Variants in SLC9A6 observed in about 807,000 individuals in gnomAD.
SLC9A6 encodes sodium/hydrogen exchanger 6.
Under a neutral mutation model 45.3 loss-of-function variants are expected in SLC9A6, and 6 were observed. The observed-to-expected ratio is 0.13, with a 90% CI of 0.07 to 0.26. The LOEUF (loss-of-function observed/expected upper bound fraction) is 0.26. SLC9A6 is among the 10% of genes least tolerant of loss of function. The pLI, the probability that SLC9A6 is intolerant of heterozygous loss-of-function variation, is 1.00. For synonymous variants in SLC9A6, 191 were observed against 187.7 expected (o/e 1.02, Z -0.14); for missense variants, 278 against 503.7 (o/e 0.55, Z 4.29).
Position 136,022,594 on chromosome X carries a change from T to A in SLC9A6, c.1203T>A (p.Ile401=), listed in dbSNP as rs1556620026. The A allele has an allele frequency of 6.0e-6, 7 of 1,171,866 alleles. No individual in the cohort carries two copies. The South Asian group carries it at 1.1e-4, about 18-fold the overall frequency. Residue 401 remains isoleucine (I), a synonymous_variant, in exon 12 of 18, where the codon ATT becomes ATA. Coordinates refer to ENST00000630721, the MANE Select transcript of SLC9A6 (RefSeq NM_001379110.1). Reference sequence around the variant, plus strand: ...CCTATTAATAATTTTAGGTTGCTATTTTCTTGGGAAGAGCTGCCAATATTT... The same window carrying A: ...CCTATTAATAATTTTAGGTTGCTATATTCTTGGGAAGAGCTGCCAATATTT... ...PTFVVGAFVA[I]FLGRAANIYP...
chrX:135,975,561 G>A (rs1243860670), intron 1 of SLC9A6, among the ~76,000 whole-genome samples: 3 of 112,351 alleles, frequency 2.7e-5, no homozygotes, highest in African/African-American at 9.7e-5. Flanking sequence ...TGAGAGAACA[G>A]AGATTTCTCT....
intron 8 of SLC9A6, 48 bp downstream of exon 8, chrX:136,010,631 T>A (rs781891103): frequency 9.2e-7 from 1 of 1,086,538 alleles, no homozygotes; most frequent in Admixed American, 2.2e-5. Context: ...AATATAGTAG[T>A]TGAATGCTGT....
chrX:136,041,085 T>A (rs1398170376), intron 17 of SLC9A6, among the ~76,000 whole-genome samples: 5 of 109,529 alleles, frequency 4.6e-5, no homozygotes, highest in Non-Finnish European at 9.5e-5. Flanking sequence ...GCCACTGCAC[T>A]CCAGCCTGGG....
chrX:135,977,334 C>T (rs1210974357), intron 1 of SLC9A6, among the ~76,000 whole-genome samples: 1 of 112,151 alleles, frequency 8.9e-6, no homozygotes, highest in Non-Finnish European at 1.9e-5. Context: ...GAAGACTTAT[C>T]ACGTTTCCCA....
At chrX:136,026,360 C>T (rs1206072159) in intron 13 of SLC9A6, among the ~76,000 whole-genome samples, 4 of 111,847 alleles carry the variant, frequency 3.6e-5, no homozygotes, top group African/African-American at 1.3e-4. Context: ...GCCTCGGTTT[C>T]CTCATCTGTA....
At chrX:135,998,268 G>A in intron 4 of SLC9A6, 83 bp downstream of exon 4, 1 of 645,458 alleles carries the variant, frequency 1.5e-6, no homozygotes, top group Non-Finnish European at 2.6e-6. Context: ...GAAATGGGCT[G>A]TTCTTTCCAG....
In SLC9A6 at chrX:136,022,572, A is replaced by G. The variant is rs1556620023; in HGVS notation, c.1195-14A>G. On this transcript the variant is annotated splice_polypyrimidine_tract_variant and intron_variant, in intron 11 of 17. Coordinates refer to ENST00000630721, the MANE Select transcript of SLC9A6 (RefSeq NM_001379110.1). ...AGTAAAATGAAATGATCCTTAACCT[A>G]TTAATAATTTTAGGTTGCTATTTTC... is the stretch of plus-strand genomic sequence containing the variant. 1 of 1,024,924 alleles carries G rather than the reference A, an allele frequency of 9.8e-7. No individual in the cohort carries two copies. The highest frequency in any genetic ancestry group is 2.2e-5 in the Admixed American group (1 of 45,006). 84.5% of individuals were successfully genotyped at this position (1,024,924 alleles called of 1,213,427 possible).
intron 7 of SLC9A6, among the ~76,000 whole-genome samples, chrX:136,007,289 G>T (rs1458274949): frequency 1.9e-4 from 20 of 106,764 alleles, no homozygotes; most frequent in African/African-American, 6.4e-4. Context: ...TGTCATCAAT[G>T]GGGGGGGGTT....
intron 2 of SLC9A6, among the ~76,000 whole-genome samples, chrX:135,992,603 T>C (rs781784411): frequency 6.2e-5 from 7 of 112,213 alleles, no homozygotes; most frequent in African/African-American, 1.9e-4. Context: ...GTCTCCATCC[T>C]TGACTGATAT....
chrX:135,998,982 G>A lies in SLC9A6; in HGVS notation c.637+14G>A, dbSNP rs1556617026. ...CAACTGATCCAGGTATGTTTTATATGAGTGGAGTTTACATACTTGAGGTGC... is the reference window on the plus strand; with the variant it reads ...CAACTGATCCAGGTATGTTTTATATAAGTGGAGTTTACATACTTGAGGTGC... On this transcript the variant is annotated intron_variant, in intron 6 of 17. Coordinates refer to ENST00000630721, the MANE Select transcript of SLC9A6 (RefSeq NM_001379110.1). 3 of 1,038,895 alleles carry A rather than the reference G, an allele frequency of 2.9e-6. No individual in the cohort carries two copies. Among genetic ancestry groups the A allele is most frequent in the East Asian group, 3.0e-5 (1 of 33,107 alleles). 85.6% of individuals were successfully genotyped at this position (1,038,895 alleles called of 1,213,427 possible).
chrX:136,000,293 ATTAG>A (rs1233696219), intron 6 of SLC9A6, among the ~76,000 whole-genome samples: 3 of 100,537 alleles, frequency 3.0e-5, no homozygotes, highest in Non-Finnish European at 6.0e-5. Flanking sequence ...ATTTTAAAGG[ATTAG>A]TTAGAGGGCC....
chrX:135,996,803 G>A (rs1172235656), intron 3 of SLC9A6, among the ~76,000 whole-genome samples: 1 of 109,860 alleles, frequency 9.1e-6, no homozygotes, highest in South Asian at 3.9e-4. Context: ...GTCTCGCTCT[G>A]TCGCCCAGGC....
At chrX:136,003,977 T>A (rs1401686183) in intron 7 of SLC9A6, among the ~76,000 whole-genome samples, 1 of 110,690 alleles carries the variant, frequency 9.0e-6, no homozygotes, top group African/African-American at 3.3e-5. Flanking sequence ...ATGAGCAATA[T>A]TTTTTATCTA....
chrX:136,006,482 A>T (rs1439851505), intron 7 of SLC9A6, among the ~76,000 whole-genome samples: 5 of 97,927 alleles, frequency 5.1e-5, no homozygotes, highest in Non-Finnish European at 1.0e-4. Context: ...TTTTTTTTTA[A>T]CCTATTGGAG....
intron 5 of SLC9A6, 117 bp downstream of exon 5, chrX:135,998,675 T>G (rs1298922795): frequency 1.5e-6 from 1 of 645,528 alleles, no homozygotes; most frequent in Admixed American, 2.7e-5. Context: ...TTTTGCAATA[T>G]TCACGTAGGT....
intron 2 of SLC9A6, among the ~76,000 whole-genome samples, chrX:135,994,547 A>G (rs782671671): frequency 1.8e-5 from 2 of 111,786 alleles, no homozygotes; most frequent in Non-Finnish European, 3.8e-5. Flanking sequence ...AAATGCAGTG[A>G]TCTGTGCTGT....
chrX:136,037,977 A>G (rs1348368371), intron 16 of SLC9A6, among the ~76,000 whole-genome samples: 2 of 112,076 alleles, frequency 1.8e-5, no homozygotes, highest in African/African-American at 3.2e-5. Flanking sequence ...TAAATGATCT[A>G]TGACTAATTA....
chrX:136,022,403 A>G (rs1249509818), intron 11 of SLC9A6, among the ~76,000 whole-genome samples, 183 bp from the exon 12 acceptor site: 1 of 111,891 alleles, frequency 8.9e-6, no homozygotes, highest in Non-Finnish European at 1.9e-5. Context: ...TGGACAGTTC[A>G]GATATAGAAA....
At chrX:136,026,235 G>A (rs2071223405) in intron 13 of SLC9A6, among the ~76,000 whole-genome samples, 1 of 111,736 alleles carries the variant, frequency 8.9e-6, no homozygotes, top group Non-Finnish European at 1.9e-5. Flanking sequence ...ACAATTTTAA[G>A]GGCACTGCAA....
Sources: allele counts gnomAD v4.1 joint callset (sites outside exome capture counted in the v4.1 genomes callset), GRCh38; gene constraint gnomAD v4.1.1; transcripts MANE v1.5; gene names NCBI Gene and HGNC (gene_info 2026-07-23, HGNC 2026-07-21).